Variants in WWTR1 observed in about 807,000 individuals in gnomAD.
WWTR1 encodes the protein WW domain-containing transcription regulator protein 1.
A neutral mutation model predicts 40.1 loss-of-function variants in WWTR1; 13 were observed. That is an observed-to-expected ratio of 0.32 (90% CI 0.21 to 0.52). The LOEUF (loss-of-function observed/expected upper bound fraction) is 0.52, where lower values mean the gene tolerates loss of function less well. Among genes scored for constraint, WWTR1 ranks in the 20% least tolerant of loss-of-function variants. The pLI, the probability that WWTR1 is intolerant of heterozygous loss-of-function variation, is 0.97. For synonymous variants in WWTR1, 230 were observed against 210.1 expected (o/e 1.09, Z -0.82); for missense variants, 436 against 523.1 (o/e 0.83, Z 1.63).
intron 2 of WWTR1, among the ~76,000 whole-genome samples, chr3:149,623,460 C>T (rs1339593287): frequency 6.6e-6 from 1 of 152,102 alleles, no homozygotes; most frequent in African/African-American, 2.4e-5. Context: ...AAGTAGGGTA[C>T]AGCTATAAAA....
intron 2 of WWTR1, among the ~76,000 whole-genome samples, chr3:149,591,107 G>C (rs770307591): frequency 1.3e-5 from 2 of 152,038 alleles, no homozygotes; most frequent in African/African-American, 2.4e-5. Flanking sequence ...GTAGTTGTTA[G>C]GGAGAAAGGA....
chr3:149,674,219 C>CTCTCTCTCTGTCTCTG (rs1714187708), intron 1 of WWTR1, among the ~76,000 whole-genome samples: 1 of 60,578 alleles, frequency 1.7e-5, no homozygotes, highest in Admixed American at 1.6e-4. Flanking sequence ...GACACTGTCT[C>CTCTCTCTCTGTCTCTG]TCTCTCTCTG....
At chr3:149,567,751 G>A (rs1737400892) in intron 3 of WWTR1, among the ~76,000 whole-genome samples, 1 of 152,152 alleles carries the variant, frequency 6.6e-6, no homozygotes, top group South Asian at 2.1e-4. Flanking sequence ...TTATCAGATA[G>A]GTACTATCAT....
At chr3:149,572,117 A>C (rs1467864982) in intron 3 of WWTR1, among the ~76,000 whole-genome samples, 2 of 152,158 alleles carry the variant, frequency 1.3e-5, no homozygotes, top group African/African-American at 2.4e-5. Flanking sequence ...CCCTTCTAAA[A>C]TCAGACTAGC....
chr3:149,717,929 A>G (rs980504659), intron 4 of WWTR1, among the ~76,000 whole-genome samples: 2 of 152,128 alleles, frequency 1.3e-5, no homozygotes, highest in African/African-American at 4.8e-5. Context: ...ATCACCATTA[A>G]TAAAACAGGT....
chr3:149,643,534 T>C (rs747428363), intron 2 of WWTR1, among the ~76,000 whole-genome samples: 2 of 152,274 alleles, frequency 1.3e-5, no homozygotes, highest in East Asian at 3.9e-4. Context: ...CCCATTTTAA[T>C]AGGATGCTTA....
intron 3 of WWTR1, chr3:149,724,224 A>G (rs1167626838): frequency 6.6e-6 from 1 of 152,162 alleles, no homozygotes; most frequent in African/African-American, 2.4e-5. Flanking sequence ...ACCTAAACAA[A>G]AGTAAAGAGA....
rs534939734 is a variant in WWTR1 at position 149,672,146 on chromosome 3, C to T, written c.-107-2255G>A. ...TACAAAAAAACAAAAAACAAACAAA[C>T]AAACAAACAAAAAAACAACCAGTAG... On this transcript the variant is annotated intron_variant, in intron 1 of 7. Coordinates refer to the WWTR1 transcript ENST00000465804. 6.6e-5 allele frequency among the ~76,000 whole-genome samples: 10 copies of T among 152,044 alleles called. No homozygotes were observed. The South Asian group carries it at 2.1e-3, about 32-fold the overall frequency.
chr3:149,686,592 A>G (rs1479881585), intron 1 of WWTR1, among the ~76,000 whole-genome samples: 3 of 152,168 alleles, frequency 2.0e-5, no homozygotes, highest in Admixed American at 6.5e-5. Context: ...CTCCTAGGCA[A>G]CTTTTCTCTA....
chr3:149,562,433 A>G (rs1487226797), intron 3 of WWTR1, among the ~76,000 whole-genome samples: 2 of 152,194 alleles, frequency 1.3e-5, no homozygotes, highest in Non-Finnish European at 1.5e-5. Context: ...AAAACACACT[A>G]GTGTCATTTT....
intron 2 of WWTR1, among the ~76,000 whole-genome samples, chr3:149,620,948 C>G (rs1740238585): frequency 6.6e-6 from 1 of 152,216 alleles, no homozygotes; most frequent in Non-Finnish European, 1.5e-5. Flanking sequence ...TGCAAACAAA[C>G]TACCAGAAAT....
intron 2 of WWTR1, among the ~76,000 whole-genome samples, chr3:149,664,786 T>C (rs4302325): frequency 0.19 from 29,561 of 151,818 alleles, 3,116 homozygotes; most frequent in Admixed American, 0.3. Context: ...GGGGTTTCTC[T>C]ATGTTGGTCA....
intron 4 of WWTR1, among the ~76,000 whole-genome samples, chr3:149,536,855 A>T (rs528495872): frequency 6.6e-6 from 1 of 151,998 alleles, no homozygotes; most frequent in Non-Finnish European, 1.5e-5. Context: ...CCGTGAAGGG[A>T]CAAGGGGGAG....
intron 2 of WWTR1, among the ~76,000 whole-genome samples, chr3:149,653,979 T>G (rs1713053843): frequency 1.3e-5 from 2 of 152,032 alleles, no homozygotes; most frequent in African/African-American, 4.8e-5. Context: ...AGAAAAAGAT[T>G]CTTCTTCTGG....
intron 3 of WWTR1, among the ~76,000 whole-genome samples, chr3:149,555,837 G>A (rs1256538470): frequency 2.6e-5 from 4 of 152,140 alleles, no homozygotes; most frequent in East Asian, 1.9e-4. Context: ...ATCGTCTAAC[G>A]AAAAGACAGG....
At chr3:149,615,596 C>T (rs181985785) in intron 2 of WWTR1, among the ~76,000 whole-genome samples, 17 of 152,254 alleles carry the variant, frequency 1.1e-4, no homozygotes, top group African/African-American at 3.9e-4. Flanking sequence ...TATTTCGTAC[C>T]CAGTGCACAA....
chr3:149,620,787 T>C (rs970165143), intron 2 of WWTR1, among the ~76,000 whole-genome samples: 1 of 152,234 alleles, frequency 6.6e-6, no homozygotes, highest in African/African-American at 2.4e-5. Context: ...AAGTTACAAT[T>C]GCATCTGCCC....
chr3:149,702,337 A>G (rs1715205234), intron 1 of WWTR1: 1 of 152,152 alleles, frequency 6.6e-6, no homozygotes, highest in Admixed American at 6.5e-5. Context: ...TCTGTCTCAG[A>G]ATGGCAGGCT....
At chr3:149,713,232 T>C (rs1388886717) in intron 5 of WWTR1, among the ~76,000 whole-genome samples, 3 of 152,118 alleles carry the variant, frequency 2.0e-5, no homozygotes, top group African/African-American at 4.8e-5. Context: ...TAAGTTAAAA[T>C]ATTTGACTTT....
Sources: allele counts gnomAD v4.1 joint callset (sites outside exome capture counted in the v4.1 genomes callset), GRCh38; gene constraint gnomAD v4.1.1; transcripts MANE v1.5; gene names NCBI Gene and HGNC (gene_info 2026-07-23, HGNC 2026-07-21).